ZBTB16: variants seen among roughly 807,000 people sequenced by gnomAD.
The protein encoded by ZBTB16 is zinc finger and BTB domain-containing protein 16.
Under a neutral mutation model 56.8 loss-of-function variants are expected in ZBTB16, and 8 were observed. That is an observed-to-expected ratio of 0.14 (90% CI 0.08 to 0.25). ZBTB16 has a LOEUF of 0.25. Among genes scored for constraint, ZBTB16 ranks in the 10% least tolerant of loss-of-function variants. The probability of loss-of-function intolerance (pLI) is 1.00; values close to 1 mark genes in which losing one functional copy is unlikely to be tolerated. For synonymous variants in ZBTB16, 363 were observed against 368.5 expected (o/e 0.98, Z 0.17); for missense variants, 625 against 903.0 (o/e 0.69, Z 3.95).
intron 2 of ZBTB16, among the ~76,000 whole-genome samples, chr11:114,106,958 A>C (rs1453001438): frequency 1.3e-5 from 2 of 152,068 alleles, no homozygotes; most frequent in Non-Finnish European, 2.9e-5. Context: ...TGGGCTTTTT[A>C]TTTTTGAAAG....
At chr11:114,081,092 A>C (rs1939740646) in intron 2 of ZBTB16, among the ~76,000 whole-genome samples, 1 of 152,176 alleles carries the variant, frequency 6.6e-6, no homozygotes, top group South Asian at 2.1e-4. Flanking sequence ...AGCCCACTTT[A>C]ATTCTTCCTT....
At chr11:114,094,375 C>T (rs534902420) in intron 2 of ZBTB16, among the ~76,000 whole-genome samples, 3 of 152,232 alleles carry the variant, frequency 2.0e-5, no homozygotes, top group South Asian at 2.1e-4. Context: ...AAAAACCAAA[C>T]GAGTCCGTGT....
intron 6 of ZBTB16, among the ~76,000 whole-genome samples, chr11:114,249,351 G>A (rs557469441): frequency 1.3e-5 from 2 of 150,542 alleles, no homozygotes; most frequent in East Asian, 4.0e-4. Context: ...CCAGCTACTT[G>A]GGAGGCTGAG....
rs775180791 is a variant in ZBTB16 at position 114,063,391 on chromosome 11, G to A, written c.91G>A (p.Gly31Arg). The change falls in exon 2 of 7, where the codon GGG becomes AGG. Residue 31 changes from glycine to arginine, a missense_variant. Transcript: ENST00000335953. The surrounding 1 kb of genome is among the most constrained non-coding windows in gnomAD (Gnocchi z 6.5). ...CAAGGCCAACCAGATGCGGCTGGCC[G>A]GGACTTTGTGCGATGTGGTCATCAT... ...LCKANQMRLAGTLCDVVIMVD... is the reference protein window; with the variant it reads ...LCKANQMRLARTLCDVVIMVD... 8.1e-6 allele frequency: 13 copies of A among 1,613,996 alleles called. No individual in the cohort carries two copies. Among genetic ancestry groups the A allele is most frequent in the African/African-American group, 2.7e-5 (2 of 74,928 alleles).
intron 2 of ZBTB16, among the ~76,000 whole-genome samples, chr11:114,136,770 CTT>C (rs1302404465): frequency 6.6e-6 from 1 of 152,020 alleles, no homozygotes; most frequent in Non-Finnish European, 1.5e-5. Context: ...CTGAGGATGA[CTT>C]TGTCTTTGGG....
chr11:114,136,057 AGG>A (rs1171644271), intron 2 of ZBTB16, among the ~76,000 whole-genome samples: 2 of 152,008 alleles, frequency 1.3e-5, no homozygotes, highest in Non-Finnish European at 2.9e-5. Context: ...TGAGTAAAGG[AGG>A]AGGGTTGCAT....
chr11:114,218,653 A>G (rs1944162018), intron 4 of ZBTB16, among the ~76,000 whole-genome samples: 1 of 152,252 alleles, frequency 6.6e-6, no homozygotes, highest in South Asian at 2.1e-4. Flanking sequence ...GATCATTAGC[A>G]AAGCAGCACT....
At chr11:114,138,051 G>C (rs1195862681) in intron 2 of ZBTB16, among the ~76,000 whole-genome samples, 1 of 152,210 alleles carries the variant, frequency 6.6e-6, no homozygotes, top group African/African-American at 2.4e-5. Context: ...TGGGATGAAA[G>C]GGTGCACGGG....
intron 4 of ZBTB16, chr11:114,187,694 A>T (rs1435201704): frequency 1.3e-5 from 2 of 155,326 alleles, no homozygotes; most frequent in Non-Finnish European, 2.9e-5. Flanking sequence ...CCCTGGGATC[A>T]TGGACTGGTG....
chr11:114,150,936 C>T (rs1424658031), intron 2 of ZBTB16, among the ~76,000 whole-genome samples: 2 of 152,198 alleles, frequency 1.3e-5, no homozygotes, highest in African/African-American at 2.4e-5. Flanking sequence ...AGGTCCTGCT[C>T]GACAGGACCA....
Position 114,064,712 on chromosome 11 carries a change from C to T in ZBTB16, c.1268+144C>T. ...AAACCAGAACACTTCTTCTAAAGTT[C>T]TGGCGGGGAGGGGAGCAGGTTTTTT... is the stretch of plus-strand genomic sequence containing the variant. On this transcript the variant is annotated intron_variant, in intron 2 of 6. Transcript: ENST00000335953. This position sits in a 1 kb window ranked among gnomAD's most constrained non-coding sequence, Gnocchi z 4.2. 1.7e-6 allele frequency: 2 copies of T among 1,163,766 alleles called. No homozygotes were observed. The highest frequency in any genetic ancestry group is 2.0e-5 in the Admixed American group (1 of 49,178). 72.1% of individuals were successfully genotyped at this position (1,163,766 alleles called of 1,614,324 possible).
At chr11:114,077,095 C>T (rs1055338261) in intron 2 of ZBTB16, among the ~76,000 whole-genome samples, 5 of 152,078 alleles carry the variant, frequency 3.3e-5, no homozygotes, top group Non-Finnish European at 7.4e-5. Flanking sequence ...CAGATATGGC[C>T]GAGGGTTTTG....
chr11:114,217,734 G>A lies in ZBTB16; in HGVS notation c.1454-24433G>A, dbSNP rs140943085. Among the ~76,000 whole-genome samples, 1,126 of 152,318 alleles carry A rather than the reference G, an allele frequency of 7.4e-3. 7 individuals are homozygous for A. The highest frequency in any genetic ancestry group is 0.013 in the Admixed American group (195 of 15,302). On this transcript the variant is annotated intron_variant, in intron 4 of 6. Coordinates refer to ENST00000335953, the MANE Select transcript of ZBTB16 (RefSeq NM_006006.6). ...TTCACCTGGACAGATGGCGGGGCAT[G>A]AAGCGTCATGAGTTAAGGGCAGAAC... is the stretch of plus-strand genomic sequence containing the variant.
intron 4 of ZBTB16, among the ~76,000 whole-genome samples, chr11:114,198,176 T>C (rs1591772796): frequency 6.6e-6 from 1 of 152,198 alleles, no homozygotes; most frequent in East Asian, 1.9e-4. Flanking sequence ...TTGACTTTTA[T>C]AAATATCAGA....
intron 5 of ZBTB16, among the ~76,000 whole-genome samples, chr11:114,242,842 C>T (rs182516403): frequency 1.1e-4 from 17 of 152,260 alleles, no homozygotes; most frequent in African/African-American, 3.1e-4. Context: ...CTACTTTCCC[C>T]ACAGTAACAA....
intron 4 of ZBTB16, among the ~76,000 whole-genome samples, chr11:114,229,860 G>A (rs77836370): frequency 0.062 from 9,411 of 152,182 alleles, 396 homozygotes; most frequent in Admixed American, 0.15. Flanking sequence ...GCAGGGGTTG[G>A]GCATGAATTG....
chr11:114,131,372 A>G (rs73000982), intron 2 of ZBTB16, among the ~76,000 whole-genome samples: 15,019 of 152,264 alleles, frequency 0.099, 955 homozygotes, highest in Non-Finnish European at 0.14. Flanking sequence ...TTGTCCCAAA[A>G]TTTTTACTAA....
rs545649120 is a variant in ZBTB16, at chr11:114,070,354, C to T, written c.1268+5786C>T. On this transcript the variant is annotated intron_variant, in intron 2 of 6. Coordinates refer to ENST00000335953, the MANE Select transcript of ZBTB16 (RefSeq NM_006006.6). ...CGATCTCCTGACCTCATGATCCACC[C>T]GCCTCGGCCTCCCAAAGTGCTGGGA... Among the ~76,000 whole-genome samples, 26 of 151,442 alleles carry T rather than the reference C, an allele frequency of 1.7e-4. No individual in the cohort carries two copies. The East Asian group carries it at 3.9e-3, about 23-fold the overall frequency.
At chr11:114,244,912 C>T (rs1490761393) in intron 5 of ZBTB16, among the ~76,000 whole-genome samples, 3 of 152,146 alleles carry the variant, frequency 2.0e-5, no homozygotes, top group East Asian at 1.9e-4. Context: ...TTTTAATTAC[C>T]GGCTCCAGCT....
Sources: allele counts gnomAD v4.1 joint callset (sites outside exome capture counted in the v4.1 genomes callset), GRCh38; gene constraint gnomAD v4.1.1; non-coding constraint Gnocchi (gnomAD v3.1); transcripts MANE v1.5; gene names NCBI Gene and HGNC (gene_info 2026-07-23, HGNC 2026-07-21).